ETS1: variants seen among roughly 807,000 people sequenced by gnomAD.
ETS1 encodes the protein ETS proto-oncogene 1, transcription factor.
Under a neutral mutation model 58.6 loss-of-function variants are expected in ETS1, and 15 were observed. The observed-to-expected ratio is 0.26, with a 90% CI of 0.17 to 0.39. The LOEUF is 0.39. Ranked by LOEUF, ETS1 falls within the 10% of genes least tolerant of loss-of-function variation. The pLI is 1.00. For missense variants in ETS1, 417 were observed against 610.5 expected (o/e 0.68, Z 3.34); for synonymous variants, 214 against 218.2 (o/e 0.98, Z 0.17).
chr11:128,568,504 G>A (rs1264992888), intron 2 of ETS1, among the ~76,000 whole-genome samples: 1 of 152,170 alleles, frequency 6.6e-6, no homozygotes, highest in South Asian at 2.1e-4. Context: ...AGAAGTACCT[G>A]GAAAGGTCAT....
intron 3 of ETS1, among the ~76,000 whole-genome samples, chr11:128,514,582 A>G (rs1327348025): frequency 6.6e-6 from 1 of 152,334 alleles, no homozygotes; most frequent in African/African-American, 2.4e-5. Flanking sequence ...CACTGTTGCA[A>G]GAGAGAGCTT....
At chr11:128,468,391 G>A (rs1862096432) in intron 8 of ETS1, among the ~76,000 whole-genome samples, 1 of 152,198 alleles carries the variant, frequency 6.6e-6, no homozygotes, top group Non-Finnish European at 1.5e-5. Context: ...AATGGGCTAG[G>A]ACAAGGTGTT....
intron 3 of ETS1, chr11:128,521,808 A>G: frequency 1.2e-6 from 1 of 833,980 alleles, no homozygotes; most frequent in Non-Finnish European, 1.8e-6. Flanking sequence ...CCGCTCCTGA[A>G]GAAATGCACC....
intron 1 of ETS1, among the ~76,000 whole-genome samples, chr11:128,583,909 C>T (rs1410697319): frequency 1.3e-5 from 2 of 152,148 alleles, no homozygotes; most frequent in South Asian, 2.1e-4. Flanking sequence ...CAGAAACATC[C>T]TTCCCTCACT....
intron 8 of ETS1, among the ~76,000 whole-genome samples, chr11:128,479,540 G>A (rs1862424370): frequency 6.6e-6 from 1 of 152,206 alleles, no homozygotes; most frequent in Admixed American, 6.5e-5. Flanking sequence ...CTCAATCAAA[G>A]TTCAAGCTCT....
intron 3 of ETS1, among the ~76,000 whole-genome samples, chr11:128,503,311 G>A (rs1009566501): frequency 2.0e-5 from 3 of 152,112 alleles, no homozygotes; most frequent in African/African-American, 7.2e-5. Context: ...GCACATGCTG[G>A]ATACTGCTAG....
At chr11:128,565,697 T>C (rs1864482171) in intron 2 of ETS1, among the ~76,000 whole-genome samples, 1 of 152,092 alleles carries the variant, frequency 6.6e-6, no homozygotes, top group African/African-American at 2.4e-5. Context: ...CCACTAAGAG[T>C]TATGAGCATA....
chr11:128,518,690 G>GC (rs1863586917), intron 3 of ETS1, among the ~76,000 whole-genome samples: 1 of 152,188 alleles, frequency 6.6e-6, no homozygotes, highest in African/African-American at 2.4e-5. Flanking sequence ...AGCACAGTGA[G>GC]CAAGTGATCT....
intron 3 of ETS1, chr11:128,527,147 G>T (rs1863815827): frequency 8.6e-6 from 3 of 347,648 alleles, no homozygotes; most frequent in South Asian, 6.4e-5. Context: ...TGGATGTATT[G>T]TCTTTGGGCA....
intron 8 of ETS1, among the ~76,000 whole-genome samples, chr11:128,478,858 A>C (rs181877521): frequency 4.6e-5 from 7 of 152,198 alleles, no homozygotes; most frequent in Admixed American, 1.3e-4. Context: ...ATGGGAAAGG[A>C]CTCCCTTGAA....
At position 128,490,529 on chromosome 11, in the gene ETS1, T is replaced by G. The variant is rs1292480186; in HGVS notation, c.262A>C (p.Met88Leu). 1 of 1,601,124 alleles carries G rather than the reference T, an allele frequency of 6.2e-7. No homozygotes were observed. The highest frequency in any genetic ancestry group is 1.3e-5 in the African/African-American group (1 of 74,422). The change falls in exon 4 of 10, where the codon ATG becomes CTG. Residue 88 changes from methionine (M) to leucine (L), a missense_variant. Physicochemically the swap from Met to Leu is conservative, Grantham distance 15. Around this residue, in one of 4 missense-constraint regions of ETS1, gnomAD observed 132 missense variants for 212.1 expected, o/e 0.62. Transcript: ENST00000392668. Reference protein sequence around the residue: ...VPLLTPSSKEMMSQALKATFS... With the variant: ...VPLLTPSSKELMSQALKATFS... ...GTAGCTTTTAATGCTTGAGACATCA[T>G]TTCTTTGCTGCTTGGAGTTAATAGT...
chr11:128,560,759 T>C (rs1864392419), intron 2 of ETS1, among the ~76,000 whole-genome samples: 1 of 152,126 alleles, frequency 6.6e-6, no homozygotes, highest in Non-Finnish European at 1.5e-5. Flanking sequence ...AAGAATGTAA[T>C]ATAAGCAACA....
intron 8 of ETS1, among the ~76,000 whole-genome samples, chr11:128,469,536 T>C (rs1862128958): frequency 6.6e-6 from 1 of 152,220 alleles, no homozygotes; most frequent in South Asian, 2.1e-4. Context: ...GCATCACCCC[T>C]TTCTGTCAAC....
intron 3 of ETS1, among the ~76,000 whole-genome samples, chr11:128,550,915 G>A (rs1339411336): frequency 6.6e-6 from 1 of 152,204 alleles, no homozygotes; most frequent in African/African-American, 2.4e-5. Context: ...TGGCCCAGTT[G>A]TGTTTCTAAT....
At chr11:128,470,145 A>T (rs147074613) in intron 8 of ETS1, among the ~76,000 whole-genome samples, 48 of 152,344 alleles carry the variant, frequency 3.2e-4, no homozygotes, top group African/African-American at 1.1e-3. Context: ...CATGAAAAAG[A>T]GTGAGAAAAC....
chr11:128,571,341 C>T (rs940595877), intron 2 of ETS1, among the ~76,000 whole-genome samples: 2 of 151,456 alleles, frequency 1.3e-5, no homozygotes, highest in African/African-American at 2.4e-5. Flanking sequence ...GGCGTGAACC[C>T]GGGAGGCTGA....
chr11:128,491,299 C>T (rs7125574), intron 3 of ETS1, among the ~76,000 whole-genome samples: 39,650 of 152,152 alleles, frequency 0.26, 5,479 homozygotes, highest in Admixed American at 0.34. Context: ...AAATAGTCTC[C>T]ACAGGAGCTA....
intron 8 of ETS1, among the ~76,000 whole-genome samples, chr11:128,467,280 G>A (rs572917176): frequency 1.2e-3 from 186 of 152,308 alleles, no homozygotes; most frequent in African/African-American, 4.4e-3. Flanking sequence ...GAAACCCAAA[G>A]CTTAGAGGCA....
intron 8 of ETS1, among the ~76,000 whole-genome samples, chr11:128,471,574 G>A (rs780872390): frequency 6.6e-6 from 1 of 152,238 alleles, no homozygotes; most frequent in Non-Finnish European, 1.5e-5. Flanking sequence ...TGAAGCTCAA[G>A]TCAGGAAGTG....
Sources: gnomAD v4.1 joint callset for allele counts (sites outside exome capture counted in the v4.1 genomes callset) on GRCh38, gnomAD v4.1.1 for gene constraint, gnomAD v4.1.1 regional missense constraint, MANE v1.5 for transcripts, NCBI Gene and HGNC (gene_info 2026-07-23, HGNC 2026-07-21) for gene names.